MPPED2: variants seen among roughly 807,000 people sequenced by gnomAD.
MPPED2 encodes metallophosphoesterase MPPED2.
In MPPED2, 5 loss-of-function variants were observed where a neutral mutation model predicts 33.0. That is an observed-to-expected ratio of 0.15 (90% CI 0.08 to 0.32). The LOEUF is 0.32. Among genes scored for constraint, MPPED2 ranks in the 10% least tolerant of loss-of-function variants. The pLI is 1.00. For synonymous variants in MPPED2, 136 were observed against 141.9 expected (o/e 0.96, Z 0.29); for missense variants, 275 against 372.1 (o/e 0.74, Z 2.15).
At chr11:30,423,373 T>C (rs530064406) in intron 4 of MPPED2, among the ~76,000 whole-genome samples, 4 of 152,318 alleles carry the variant, frequency 2.6e-5, no homozygotes, top group Admixed American at 2.6e-4. Context: ...GGGTTCTTAT[T>C]ACTATAGTCT....
chr11:30,537,928 G>C, intron 2 of MPPED2, among the ~76,000 whole-genome samples: 1 of 151,870 alleles, frequency 6.6e-6, no homozygotes, highest in Non-Finnish European at 1.5e-5. Flanking sequence ...CCATCACTGA[G>C]ACTTGGTTAC....
At chr11:30,415,340 T>A (rs1473775701) in intron 5 of MPPED2, among the ~76,000 whole-genome samples, 1 of 152,202 alleles carries the variant, frequency 6.6e-6, no homozygotes, top group East Asian at 1.9e-4. Flanking sequence ...AAAACTTTTT[T>A]AATAGTGGGG....
chr11:30,457,969 T>C (rs1385231920), intron 4 of MPPED2, among the ~76,000 whole-genome samples: 1 of 152,134 alleles, frequency 6.6e-6, no homozygotes, highest in Non-Finnish European at 1.5e-5. Context: ...CAAATACTTA[T>C]CGGGCAGGGC....
At chr11:30,475,029 G>A (rs144122662) in intron 4 of MPPED2, among the ~76,000 whole-genome samples, 184 of 152,252 alleles carry the variant, frequency 1.2e-3, no homozygotes, top group African/African-American at 4.0e-3. Flanking sequence ...GTTATGGTGA[G>A]CATGGTTCTA....
intron 3 of MPPED2, among the ~76,000 whole-genome samples, chr11:30,535,522 C>T (rs1349901494): frequency 6.6e-6 from 1 of 152,138 alleles, no homozygotes; most frequent in Admixed American, 6.6e-5. Flanking sequence ...TTAGGAAATC[C>T]GCTCCCAAGC....
chr11:30,438,546 T>G (rs567731387), intron 4 of MPPED2, among the ~76,000 whole-genome samples: 121 of 152,368 alleles, frequency 7.9e-4, no homozygotes, highest in African/African-American at 2.8e-3. Context: ...TGCCATGTGC[T>G]GATGCATCAT....
intron 4 of MPPED2, among the ~76,000 whole-genome samples, chr11:30,442,154 C>T (rs1949604695): frequency 6.6e-6 from 1 of 152,162 alleles, no homozygotes; most frequent in South Asian, 2.1e-4. Flanking sequence ...CAGAGAAGAA[C>T]TCCCAAAGAT....
chr11:30,516,007 T>C (rs1391611842), intron 3 of MPPED2, among the ~76,000 whole-genome samples: 1 of 152,144 alleles, frequency 6.6e-6, no homozygotes, highest in African/African-American at 2.4e-5. Context: ...AATGACACTA[T>C]AGCAGGCACA....
At chr11:30,481,993 A>T (rs1951509547) in intron 4 of MPPED2, among the ~76,000 whole-genome samples, 1 of 151,988 alleles carries the variant, frequency 6.6e-6, no homozygotes, top group South Asian at 2.1e-4. Flanking sequence ...CCACACACAC[A>T]CCCGGATCAT....
chr11:30,406,771 C>A (rs140449527), downstream of MPPED2, among the ~76,000 whole-genome samples: 6 of 152,314 alleles, frequency 3.9e-5, no homozygotes, highest in South Asian at 2.1e-4. Flanking sequence ...CATCCTGGAA[C>A]CTTCCCCACA....
chr11:30,511,103 GA>G (rs1244709250), intron 3 of MPPED2, among the ~76,000 whole-genome samples: 2 of 152,208 alleles, frequency 1.3e-5, no homozygotes, highest in South Asian at 4.2e-4. Flanking sequence ...TTGGATAAAA[GA>G]AATCCCATTA....
chr11:30,491,645 G>T (rs998627534), intron 4 of MPPED2, among the ~76,000 whole-genome samples: 1 of 152,134 alleles, frequency 6.6e-6, no homozygotes, highest in African/African-American at 2.4e-5. Context: ...TGAAACAGAG[G>T]CAGGCAGATG....
chr11:30,533,322 A>G (rs1954633363), intron 3 of MPPED2, among the ~76,000 whole-genome samples: 1 of 152,170 alleles, frequency 6.6e-6, no homozygotes, highest in African/African-American at 2.4e-5. Context: ...CTTAGCTCAG[A>G]GACAGAATAA....
chr11:30,437,136 A>C (rs1215952614), intron 4 of MPPED2, among the ~76,000 whole-genome samples: 3 of 152,238 alleles, frequency 2.0e-5, no homozygotes, highest in Admixed American at 2.0e-4. Context: ...TGTCATCACC[A>C]GGCCTACCTC....
chr11:30,585,760 C>T (rs1461082453), intron 1 of MPPED2, among the ~76,000 whole-genome samples: 3 of 152,090 alleles, frequency 2.0e-5, no homozygotes. Context: ...GGAGGGAAGA[C>T]ACCTCCTAAA....
intron 4 of MPPED2, among the ~76,000 whole-genome samples, chr11:30,457,953 C>T (rs1418183682): frequency 1.3e-5 from 2 of 152,172 alleles, no homozygotes; most frequent in Non-Finnish European, 2.9e-5. Context: ...TCTGCTGCTG[C>T]CGTACCAAAT....
At chr11:30,434,316 G>A (rs573979851) in intron 4 of MPPED2, among the ~76,000 whole-genome samples, 2 of 152,312 alleles carry the variant, frequency 1.3e-5, no homozygotes, top group East Asian at 1.9e-4. Context: ...GAAGGGGGAA[G>A]AGACAAGGTC....
intron 4 of MPPED2, among the ~76,000 whole-genome samples, chr11:30,447,824 G>A (rs1001676568): frequency 6.6e-6 from 1 of 152,208 alleles, no homozygotes; most frequent in East Asian, 1.9e-4. Flanking sequence ...GTGAGTCCCT[G>A]CCCTAGGTGC....
chr11:30,545,651 C>G (rs1955377677), intron 2 of MPPED2, among the ~76,000 whole-genome samples: 1 of 152,104 alleles, frequency 6.6e-6, no homozygotes, highest in Non-Finnish European at 1.5e-5. Flanking sequence ...GCGATAGGCT[C>G]TTTTTCCCAT....
Sources: allele counts gnomAD v4.1 joint callset (sites outside exome capture counted in the v4.1 genomes callset), GRCh38; gene constraint gnomAD v4.1.1; transcripts MANE v1.5; gene names NCBI Gene and HGNC (gene_info 2026-07-23, HGNC 2026-07-21).